The following IPO13 variants were observed in gnomAD, a reference collection of about 807,000 sequenced individuals.
IPO13 encodes the protein importin-13.
IPO13 carries 28 observed loss-of-function variants against 115.5 expected under a neutral mutation model. The observed-to-expected ratio is 0.24, with a 90% CI of 0.18 to 0.33. The LOEUF is 0.33. Ranked by LOEUF, IPO13 falls within the 10% of genes least tolerant of loss-of-function variation. The pLI is 1.00. For missense variants in IPO13, 785 were observed against 1,204.6 expected (o/e 0.65, Z 5.16); for synonymous variants, 414 against 478.9 (o/e 0.86, Z 1.77).
Position 43,946,996 on chromosome 1 carries a change from C to T in IPO13, c.-605C>T, listed in dbSNP as rs1283840488. 6 of 398,618 alleles carry T rather than the reference C, an allele frequency of 1.5e-5. No homozygotes were observed. 24.7% of individuals were successfully genotyped at this position (398,618 alleles called of 1,614,324 possible). A position where few individuals can be genotyped will look rare whatever the true frequency, so the allele number is the denominator to read the frequency against. On this transcript the variant is annotated 5_prime_UTR_variant, in exon 1 of 20. Coordinates refer to ENST00000372343, the MANE Select transcript of IPO13 (RefSeq NM_014652.4). ...GGCGGAGGCAGCGGCTGTAGCGGGG[C>T]TGTAGCCGGGCGTTGAGCACAGCGC...
intron 6 of IPO13, 36 bp downstream of exon 6, chr1:43,957,351 A>T (rs1452800555): frequency 6.2e-7 from 1 of 1,612,936 alleles, no homozygotes; most frequent in African/African-American, 1.3e-5. Flanking sequence ...GCCTTCCCAG[A>T]CCTGTCACAC....
intron 14 of IPO13, among the ~76,000 whole-genome samples, chr1:43,963,303 A>C (rs76673447): frequency 6.6e-6 from 1 of 152,182 alleles, no homozygotes; most frequent in African/African-American, 2.4e-5. Context: ...TTCTTGCCTC[A>C]GGAATGATCA....
At chr1:43,951,906 T>C (rs2085211962) in intron 2 of IPO13, among the ~76,000 whole-genome samples, 10 of 152,170 alleles carry the variant, frequency 6.6e-5, no homozygotes. Context: ...CGTTTCCTCA[T>C]CAATAAAATG....
rs1012124739 is a variant in IPO13, at chr1:43,952,422, C to T, written c.821+2269C>T. Among the ~76,000 whole-genome samples the T allele has an allele frequency of 2.0e-5, 3 of 152,090 alleles. No individual in the cohort carries two copies. Among genetic ancestry groups the T allele is most frequent in the Non-Finnish European group, 4.4e-5 (3 of 68,022 alleles). ...TAACCTCAGGTGATCCATCTGCCTC[C>T]GCCTCCCAAAGTGCTGGGATTACAG... On this transcript the variant is annotated intron_variant, in intron 2 of 19. Coordinates refer to ENST00000372343, the MANE Select transcript of IPO13 (RefSeq NM_014652.4). This position sits in a 1 kb window ranked among gnomAD's most constrained non-coding sequence, Gnocchi z 4.7.
In IPO13 at chr1:43,956,335, C is replaced by A. The variant is rs751310151; in HGVS notation, c.837C>A (p.Leu279=). 1.2e-6 allele frequency: 2 copies of A among 1,614,208 alleles called. No homozygotes were observed. The highest frequency in any genetic ancestry group is 2.2e-5 in the East Asian group (1 of 44,880). ...QPDAQRYVNT[L]LKLIPLVLGL... is the part of the protein sequence containing the mutation. The stretch of plus-strand genomic sequence containing the variant: ...ATGCCTCTAGGTACGTGAACACACT[C>A]CTGAAACTCATCCCGCTGGTGCTGG... Residue 279 remains leucine (L), a synonymous_variant, in exon 3 of 20, where the codon CTC becomes CTA. Coordinates refer to ENST00000372343, the MANE Select transcript of IPO13 (RefSeq NM_014652.4). This position sits in a 1 kb window ranked among gnomAD's most constrained non-coding sequence, Gnocchi z 4.7.
Position 43,958,245 on chromosome 1 carries a change from G to A in IPO13, c.1726G>A (p.Val576Met). Reference protein sequence around the residue: ...AANIVAVSQDVLMKQIHKTSQ... With the variant: ...AANIVAVSQDMLMKQIHKTSQ... ...CATTCCTTCTTTCTCCCCTCAGGAT[G>A]TGCTGATGAAACAGATCCACAAGGT... The change falls in exon 9 of 20, where the codon GTG (valine) becomes ATG (methionine). Residue 576 changes from valine (V) to methionine (M), a missense_variant. Transcript: ENST00000372343. This position sits in a 1 kb window ranked among gnomAD's most constrained non-coding sequence, Gnocchi z 6.3. The A allele has an allele frequency of 6.2e-7, 1 of 1,614,092 alleles. No homozygotes were observed. The highest frequency in any genetic ancestry group is 2.2e-5 in the East Asian group (1 of 44,892).
At chr1:43,953,912 G>A (rs919305625) in intron 2 of IPO13, among the ~76,000 whole-genome samples, 2 of 152,142 alleles carry the variant, frequency 1.3e-5, no homozygotes, top group Non-Finnish European at 2.9e-5. Flanking sequence ...AGCAGTTTAA[G>A]GGGCAGTTTC....
Position 43,947,480 on chromosome 1 carries a change from G to GC in IPO13, c.-114dup. Reference sequence around the variant, plus strand: ...GCCTCGGCAGCCATGCCCGCCCTGGGCCCCCCCTCACCCCACCACTCCCTG... The same window carrying GC: ...GCCTCGGCAGCCATGCCCGCCCTGGGCCCCCCCCTCACCCCACCACTCCCTG... On this transcript the variant is annotated 5_prime_UTR_variant, in exon 1 of 20. An upstream open reading frame in the 5' UTR loses its in-frame stop. Transcript: ENST00000372343. 7 of 516,570 alleles carry GC rather than the reference G, an allele frequency of 1.4e-5. No homozygotes were observed. The highest frequency in any genetic ancestry group is 4.4e-5 in the Admixed American group (1 of 22,870). The allele number at this position is 516,570 out of a possible 1,614,324, so 32.0% of individuals were successfully genotyped here. A position where few individuals can be genotyped will look rare whatever the true frequency, so the allele number is the denominator to read the frequency against.
rs1241281895 is a variant in IPO13, at chr1:43,957,213, G to A, written c.1290G>A (p.Thr430=). The A allele has an allele frequency of 5.6e-6, 9 of 1,613,926 alleles. No homozygotes were observed. The highest frequency in any genetic ancestry group is 3.3e-5 in the South Asian group (3 of 91,080). ...FRIYRVDISD[T]LMYVYEMLGA... is the part of the protein sequence containing the mutation. Reference sequence around the variant, plus strand: ...TTCTCAGGGTGGACATCTCAGACACGCTCATGTATGTCTATGAGATGTTGG... The same window carrying A: ...TTCTCAGGGTGGACATCTCAGACACACTCATGTATGTCTATGAGATGTTGG... The change falls in exon 6 of 20, where the codon ACG becomes ACA. Residue 430 remains threonine (T), a synonymous_variant. Transcript: ENST00000372343.
intron 2 of IPO13, among the ~76,000 whole-genome samples, chr1:43,955,217 A>G (rs2085236208): frequency 6.6e-6 from 1 of 151,040 alleles, no homozygotes; most frequent in African/African-American, 2.4e-5. Context: ...GGTGGAGCGG[A>G]TGGCAGGGAT....
intron 1 of IPO13, 69 bp downstream of exon 1, chr1:43,947,753 A>G: frequency 3.2e-6 from 3 of 943,854 alleles, no homozygotes; most frequent in Non-Finnish European, 4.3e-6. Flanking sequence ...CTGATGGCAG[A>G]GCTCAGGCCT....
rs764375269 is a variant in IPO13, at chr1:43,967,296, G to A, written c.2614-19G>A. The stretch of plus-strand genomic sequence containing the variant: ...GGAAGGGGCAACACCCTGGTGTGCT[G>A]AGAACCCCTCTCCCTCAGGCCATTG... On this transcript the variant is annotated intron_variant, in intron 18 of 19. Coordinates refer to ENST00000372343, the MANE Select transcript of IPO13 (RefSeq NM_014652.4). This position sits in a 1 kb window ranked among gnomAD's most constrained non-coding sequence, Gnocchi z 6.1. The A allele has an allele frequency of 5.0e-6, 8 of 1,608,590 alleles. No homozygotes were observed. In the Admixed American group the frequency reaches 6.7e-5, roughly 13 times the overall value.
In IPO13 at chr1:43,967,147, C is replaced by A; in HGVS notation, c.2613+128C>A. 3.6e-6 allele frequency: 4 copies of A among 1,119,744 alleles called. No individual in the cohort carries two copies. Among genetic ancestry groups the A allele is most frequent in the Non-Finnish European group, 5.3e-6 (4 of 750,232 alleles). 69.4% of individuals were successfully genotyped at this position (1,119,744 alleles called of 1,614,324 possible). ...ATTCTGTTTCTTCTTCAATTAAATG[C>A]CTGAAAGTTGTTAGGATTGCTGTGG... On this transcript the variant is annotated intron_variant, in intron 18 of 19. Transcript: ENST00000372343. This position sits in a 1 kb window ranked among gnomAD's most constrained non-coding sequence, Gnocchi z 6.1.
Position 43,958,234 on chromosome 1 carries a change from C to A in IPO13, c.1723-8C>A. 6.8e-6 allele frequency: 11 copies of A among 1,614,172 alleles called. No homozygotes were observed. The highest frequency in any genetic ancestry group is 1.1e-5 in the South Asian group (1 of 91,078). The stretch of plus-strand genomic sequence containing the variant: ...TGCTGATACTACATTCCTTCTTTCT[C>A]CCCTCAGGATGTGCTGATGAAACAG... On this transcript the variant is annotated splice_polypyrimidine_tract_variant and splice_region_variant and intron_variant, in intron 8 of 19. Transcript: ENST00000372343. This position sits in a 1 kb window ranked among gnomAD's most constrained non-coding sequence, Gnocchi z 6.3.
chr1:43,961,850 T>C (rs2085292562), intron 14 of IPO13, among the ~76,000 whole-genome samples: 1 of 152,214 alleles, frequency 6.6e-6, no homozygotes, highest in Non-Finnish European at 1.5e-5. Context: ...CAAGGCTTAG[T>C]ACTTTCTAGG....
In IPO13 at chr1:43,956,647, T is replaced by C. The variant is rs1452376899; in HGVS notation, c.1050T>C (p.Tyr350=). Residue 350 remains tyrosine (Y), a synonymous_variant, in exon 4 of 20, where the codon TAT becomes TAC. Coordinates refer to ENST00000372343, the MANE Select transcript of IPO13 (RefSeq NM_014652.4). The surrounding 1 kb of genome is among the most constrained non-coding windows in gnomAD (Gnocchi z 4.7). The part of the protein sequence containing the change: ...IMFCTGIPGH[Y]PVNETTSSLT... ...TCTGCACAGGCATCCCTGGCCACTA[T>C]CCTGTCAATGAGACCACCAGCTCCC... is the stretch of plus-strand genomic sequence containing the variant. The C allele has an allele frequency of 7.4e-6, 12 of 1,614,052 alleles. No homozygotes were observed. Among genetic ancestry groups the C allele is most frequent in the Non-Finnish European group, 1.0e-5 (12 of 1,180,026 alleles).
chr1:43,959,289 C>T lies in IPO13; in HGVS notation c.2028+400C>T, dbSNP rs116053058. 3.6e-3 allele frequency among the ~76,000 whole-genome samples: 552 copies of T among 152,328 alleles called. 2 individuals carry two copies. Among genetic ancestry groups the T allele is most frequent in the Non-Finnish European group, 5.5e-3 (374 of 68,036 alleles). On this transcript the variant is annotated intron_variant, in intron 11 of 19. Transcript: ENST00000372343. ...GTCCCCTGTGGGCACTAAGGATGCTCATTACCTCCTCCGCATGTAATAGTT... is the reference window on the plus strand; with the variant it reads ...GTCCCCTGTGGGCACTAAGGATGCTTATTACCTCCTCCGCATGTAATAGTT...
intron 2 of IPO13, among the ~76,000 whole-genome samples, chr1:43,954,063 A>C (rs986808441): frequency 2.6e-5 from 4 of 152,238 alleles, no homozygotes; most frequent in African/African-American, 9.6e-5. Flanking sequence ...GTACCCTGCC[A>C]TCTGCATGAA....
In IPO13 at chr1:43,964,284, C is replaced by T; in HGVS notation, c.2360C>T (p.Pro787Leu). Residue 787 changes from proline (P) to leucine (L), a missense_variant, in exon 15 of 20, where the codon CCT becomes CTT. Pro to Leu is a moderately conservative substitution (Grantham distance 98, BLOSUM62 -3). Around this residue, in one of 3 missense-constraint regions of IPO13, gnomAD observed 285 missense variants for 394.8 expected, o/e 0.72. Transcript: ENST00000372343. ...TATATTTTAGGGCCCAGGGATCATC[C>T]TGATATTGTTGATTCATTTATGCAA... ...TLFQQGPRDH[P>L]DIVDSFMQLL... 1 of 1,609,936 alleles carries T rather than the reference C, an allele frequency of 6.2e-7. No individual in the cohort carries two copies. The highest frequency in any genetic ancestry group is 8.5e-7 in the Non-Finnish European group (1 of 1,176,702).
Sources: allele counts gnomAD v4.1 joint callset (sites outside exome capture counted in the v4.1 genomes callset), GRCh38; gene constraint gnomAD v4.1.1; regional missense constraint gnomAD v4.1.1; non-coding constraint Gnocchi (gnomAD v3.1); transcripts MANE v1.5; gene names NCBI Gene and HGNC (gene_info 2026-07-23, HGNC 2026-07-21).